The following GPHN variants were observed in gnomAD, a reference collection of about 807,000 sequenced individuals.
GPHN encodes the protein gephyrin.
A neutral mutation model predicts 95.5 loss-of-function variants in GPHN; 17 were observed. That is an observed-to-expected ratio of 0.18 (90% CI 0.12 to 0.27). The LOEUF is 0.27. Among genes scored for constraint, GPHN ranks in the 10% least tolerant of loss-of-function variants. GPHN has a pLI of 1.00. For synonymous variants in GPHN, 320 were observed against 322.5 expected (o/e 0.99, Z 0.08); for missense variants, 660 against 978.1 (o/e 0.67, Z 4.34).
chr14:66,957,183 CTTTCTTTTTTT>C (rs1485324276), intron 8 of GPHN, among the ~76,000 whole-genome samples: 3 of 108,682 alleles, frequency 2.8e-5, no homozygotes, highest in African/African-American at 1.0e-4. Flanking sequence ...AAATTTCTTT[CTTTCTTTTTTT>C]TTTTTTTTTT....
chr14:66,950,080 T>C (rs2068009478), intron 8 of GPHN, among the ~76,000 whole-genome samples: 1 of 151,868 alleles, frequency 6.6e-6, no homozygotes, highest in Admixed American at 6.6e-5. Flanking sequence ...CAGTTTTCCT[T>C]AATGAGGAAA....
the GPHN span, among the ~76,000 whole-genome samples, chr14:67,569,451 A>T: frequency 2.0e-5 from 3 of 152,198 alleles, no homozygotes; most frequent in Non-Finnish European, 4.4e-5. Flanking sequence ...GCTGGAAGGG[A>T]TCTGAGAGGG....
chr14:66,917,593 GTTGGTAATAC>G (rs1555439971), intron 6 of GPHN, among the ~76,000 whole-genome samples: 2 of 152,080 alleles, frequency 1.3e-5, no homozygotes, highest in Non-Finnish European at 2.9e-5. Context: ...TCAGATTGCC[GTTGGTAATAC>G]TAGTTTAGCA....
the GPHN span, among the ~76,000 whole-genome samples, chr14:67,481,804 G>T: frequency 1.3e-5 from 2 of 152,166 alleles, no homozygotes; most frequent in Non-Finnish European, 2.9e-5. Flanking sequence ...TCAGCCCTGG[G>T]ATCAGAGCCC....
At chr14:67,016,997 T>G (rs1481133639) in intron 9 of GPHN, among the ~76,000 whole-genome samples, 3 of 152,112 alleles carry the variant, frequency 2.0e-5, no homozygotes, top group African/African-American at 7.2e-5. Context: ...ATGAGGAAAT[T>G]AAAGCTCTAA....
chr14:67,523,761 G>A, the GPHN span, among the ~76,000 whole-genome samples: 7 of 152,180 alleles, frequency 4.6e-5, no homozygotes, highest in Non-Finnish European at 8.8e-5. Flanking sequence ...TGCCCACAGC[G>A]TAGGTCAAGG....
At chr14:67,215,355 G>A in the GPHN span, among the ~76,000 whole-genome samples, 43 of 151,714 alleles carry the variant, frequency 2.8e-4, 1 homozygote, top group East Asian at 4.1e-3. Flanking sequence ...TACTTTTACC[G>A]AGGGCACAGA....
rs1441738952 is a variant in GPHN, at chr14:66,583,100, C to G, written c.64+74509C>G. 2.4e-3 allele frequency among the ~76,000 whole-genome samples: 359 copies of G among 151,706 alleles called. 4 individuals are homozygous for G. Among genetic ancestry groups the G allele is most frequent in the African/African-American group, 8.2e-3 (338 of 41,430 alleles). ...TTCTAACTGGTGTGAGATGGTATCT[C>G]ATTGTGGTTTTGATTTGCATTTCTC... On this transcript the variant is annotated intron_variant, in intron 1 of 22. Transcript: ENST00000478722.
intron 1 of GPHN, among the ~76,000 whole-genome samples, chr14:66,591,007 CA>C (rs372930241): frequency 6.6e-6 from 1 of 152,184 alleles, no homozygotes; most frequent in East Asian, 1.9e-4. Flanking sequence ...TTAACCTATG[CA>C]AATCAATAAA....
chr14:67,315,647 C>T, the GPHN span, among the ~76,000 whole-genome samples: 2 of 152,168 alleles, frequency 1.3e-5, no homozygotes, highest in South Asian at 2.1e-4. Context: ...CAGTCTTGGC[C>T]GTGCACAGTG....
chr14:66,975,009 G>A (rs1183866232), intron 9 of GPHN, among the ~76,000 whole-genome samples: 7 of 152,212 alleles, frequency 4.6e-5, no homozygotes, highest in Middle Eastern at 3.4e-3. Context: ...TAAAATATAA[G>A]TACTCATTAA....
chr14:66,681,286 A>G, intron 2 of GPHN, 101 bp downstream of exon 2: 2 of 770,404 alleles, frequency 2.6e-6, no homozygotes, highest in South Asian at 1.5e-5. Flanking sequence ...AAGGTACAAC[A>G]ATTTTTTCTT....
the GPHN span, among the ~76,000 whole-genome samples, chr14:67,620,350 C>G: frequency 4.9e-3 from 744 of 151,874 alleles, 35 homozygotes; most frequent in East Asian, 0.084. Flanking sequence ...CCAGAAAGAC[C>G]GAGAAAACGG....
At chr14:66,805,089 G>A (rs980791185) in intron 3 of GPHN, among the ~76,000 whole-genome samples, 1 of 152,170 alleles carries the variant, frequency 6.6e-6, no homozygotes, top group Admixed American at 6.5e-5. Context: ...AAATAAGTTT[G>A]TTGGACTTAC....
At chr14:67,341,206 C>T in the GPHN span, among the ~76,000 whole-genome samples, 80 of 152,216 alleles carry the variant, frequency 5.3e-4, 1 homozygote, top group South Asian at 0.014. Context: ...TGTGACTGGC[C>T]GCCATCCCAT....
chr14:67,376,115 G>A, the GPHN span, among the ~76,000 whole-genome samples: 33 of 151,908 alleles, frequency 2.2e-4, no homozygotes, highest in Non-Finnish European at 5.9e-5. Context: ...TTGTATAGCC[G>A]TTTTCCATTT....
intron 1 of GPHN, among the ~76,000 whole-genome samples, chr14:66,556,484 G>A (rs1850973871): frequency 6.6e-6 from 1 of 151,988 alleles, no homozygotes; most frequent in Non-Finnish European, 1.5e-5. Context: ...CTGCCAAAGA[G>A]GTATGCCCAA....
At chr14:67,432,783 C>A in the GPHN span, among the ~76,000 whole-genome samples, 10 of 151,772 alleles carry the variant, frequency 6.6e-5, no homozygotes, top group Non-Finnish European at 1.0e-4. Context: ...TGGTGGTTGC[C>A]GGCAACCTGG....
chr14:67,268,609 G>A, the GPHN span, among the ~76,000 whole-genome samples: 2 of 152,300 alleles, frequency 1.3e-5, no homozygotes, highest in African/African-American at 4.8e-5. Flanking sequence ...ACTTCCTAAC[G>A]TTGCCATGGC....
Sources: allele counts gnomAD v4.1 joint callset (sites outside exome capture counted in the v4.1 genomes callset), GRCh38; gene constraint gnomAD v4.1.1; transcripts MANE v1.5; gene names NCBI Gene and HGNC (gene_info 2026-07-23, HGNC 2026-07-21).